EIF3H: variants seen among roughly 807,000 people sequenced by gnomAD.
EIF3H encodes eukaryotic translation initiation factor 3 subunit H.
EIF3H carries 26 observed loss-of-function variants against 44.2 expected under a neutral mutation model. The observed-to-expected ratio is 0.59, with a 90% CI of 0.43 to 0.82. The LOEUF is 0.82. EIF3H is among the 40% of genes least tolerant of loss of function. The pLI is 0.00. For synonymous variants in EIF3H, 166 were observed against 151.9 expected, an observed-to-expected ratio of 1.09 and a Z score of -0.68; for missense variants, 359 against 432.8, an observed-to-expected ratio of 0.83 and a Z score of 1.51.
chr8:116,683,561 T>TA (rs1415281985), intron 2 of EIF3H, among the ~76,000 whole-genome samples: 4 of 152,354 alleles, frequency 2.6e-5, no homozygotes, highest in South Asian at 2.1e-4. Flanking sequence ...AGAGGAATGT[T>TA]AGACATTCAG....
chr8:116,719,151 A>G (rs1024757491), intron 2 of EIF3H, among the ~76,000 whole-genome samples: 9 of 152,340 alleles, frequency 5.9e-5, no homozygotes, highest in African/African-American at 2.2e-4. Context: ...TGTCTTTGTG[A>G]GGACAACGGA....
chr8:116,666,000 C>A (rs565103938), intron 2 of EIF3H, among the ~76,000 whole-genome samples: 1 of 152,262 alleles, frequency 6.6e-6, no homozygotes, highest in South Asian at 2.1e-4. Flanking sequence ...CCTCTCGTTT[C>A]AATTAATACA....
intron 1 of EIF3H, among the ~76,000 whole-genome samples, chr8:116,739,220 G>A (rs768990816): frequency 2.0e-5 from 3 of 152,224 alleles, no homozygotes; most frequent in Admixed American, 6.5e-5. Context: ...ACATGCTCAA[G>A]TCTTAACTAG....
At chr8:116,758,833 G>C (rs549453106), upstream of EIF3H, among the ~76,000 whole-genome samples, 2 of 152,256 alleles carry the variant, frequency 1.3e-5, no homozygotes, top group South Asian at 4.1e-4. Flanking sequence ...AGATGAATAT[G>C]AAAATATAAA....
chr8:116,701,625 G>A (rs980061966), intron 2 of EIF3H, among the ~76,000 whole-genome samples: 7 of 152,232 alleles, frequency 4.6e-5, no homozygotes, highest in Non-Finnish European at 8.8e-5. Context: ...TGCAATGAAA[G>A]GGCCAATTCA....
At chr8:116,742,956 A>T (rs1203930280) in intron 1 of EIF3H, among the ~76,000 whole-genome samples, 1 of 152,254 alleles carries the variant, frequency 6.6e-6, no homozygotes, top group Non-Finnish European at 1.5e-5. Context: ...CAGTAAGTCC[A>T]CAAGGTGGTT....
At chr8:116,669,535 A>G (rs1230395014) in intron 2 of EIF3H, among the ~76,000 whole-genome samples, 1 of 152,220 alleles carries the variant, frequency 6.6e-6, no homozygotes, top group Non-Finnish European at 1.5e-5. Context: ...GAATAGCTAA[A>G]GTAGGTTAAA....
intron 1 of EIF3H, among the ~76,000 whole-genome samples, chr8:116,745,187 C>T (rs1373152326): frequency 6.6e-6 from 1 of 152,224 alleles, no homozygotes; most frequent in African/African-American, 2.4e-5. Context: ...GCTGTAACAA[C>T]TAAAGTTAAA....
intron 2 of EIF3H, among the ~76,000 whole-genome samples, chr8:116,668,487 T>G (rs1813702876): frequency 6.6e-6 from 1 of 152,202 alleles, no homozygotes; most frequent in Non-Finnish European, 1.5e-5. Context: ...ACATACATAG[T>G]GACAAAAGTT....
intron 1 of EIF3H, among the ~76,000 whole-genome samples, chr8:116,764,179 A>T (rs894088170): frequency 2.6e-5 from 4 of 152,230 alleles, no homozygotes; most frequent in Admixed American, 2.6e-4. Context: ...ACCTGAGAAA[A>T]AAGCTAAAAA....
rs543802467 is a variant in EIF3H at position 116,744,670 on chromosome 8, TTAAGA to T, written c.132+10991_132+10995del. The stretch of plus-strand genomic sequence containing the variant: ...TACAAAAAACGAAGCCATATTCTCT[TTAAGA>T]TATTATCTAAAACCTTGCCAAATAA... On this transcript the variant is annotated intron_variant, in intron 1 of 7. Transcript: ENST00000521861. 7.5e-4 allele frequency among the ~76,000 whole-genome samples: 114 copies of T among 152,342 alleles called. 2 individuals are homozygous for T. In the South Asian group the frequency reaches 0.017, roughly 23 times the overall value.
chr8:116,673,736 C>T (rs1340672955), intron 2 of EIF3H, among the ~76,000 whole-genome samples: 1 of 152,118 alleles, frequency 6.6e-6, no homozygotes, highest in Non-Finnish European at 1.5e-5. Context: ...CAGGGTCAGA[C>T]TTAAGCTCAT....
At chr8:116,667,590 CAG>C (rs979322802) in intron 2 of EIF3H, among the ~76,000 whole-genome samples, 1 of 151,918 alleles carries the variant, frequency 6.6e-6, no homozygotes, top group Admixed American at 6.6e-5. Context: ...GTTTACAAAA[CAG>C]AAAGAGATCT....
At chr8:116,686,112 A>C (rs1037339828) in intron 2 of EIF3H, among the ~76,000 whole-genome samples, 1 of 152,316 alleles carries the variant, frequency 6.6e-6, no homozygotes, top group African/African-American at 2.4e-5. Context: ...TAATCCTATT[A>C]TTAAACATAG....
In EIF3H at chr8:116,679,376, C is replaced by G. The variant is rs1221933437; in HGVS notation, c.290-20396G>C. Among the ~76,000 whole-genome samples the G allele has an allele frequency of 1.4e-4, 10 of 73,232 alleles. 2 individuals carry two copies. The South Asian group carries it at 3.2e-3, about 23-fold the overall frequency. The allele number at this position is 73,232 out of a possible 152,430, so 48.0% of individuals were successfully genotyped here. A position where few individuals can be genotyped will look rare whatever the true frequency, so the allele number is the denominator to read the frequency against. On this transcript the variant is annotated intron_variant, in intron 2 of 7. Transcript: ENST00000521861. ...TCAGCCCCCCGCCCGGTCAGCCCCC[C>G]GCCCGGCCAGCCGCCCCGTCCGGGA...
At chr8:116,650,096 A>G (rs1446720851) in intron 5 of EIF3H, among the ~76,000 whole-genome samples, 4 of 152,226 alleles carry the variant, frequency 2.6e-5, no homozygotes, top group Non-Finnish European at 4.4e-5. Context: ...ATGAGACCTC[A>G]CAACTGCAAT....
chr8:116,720,207 A>G (rs1814721662), intron 2 of EIF3H, among the ~76,000 whole-genome samples: 1 of 152,226 alleles, frequency 6.6e-6, no homozygotes, highest in Non-Finnish European at 1.5e-5. Context: ...CTGTTAAAAT[A>G]TATTTTAATA....
At chr8:116,708,003 CCTA>C (rs1403224046) in intron 2 of EIF3H, among the ~76,000 whole-genome samples, 2 of 152,028 alleles carry the variant, frequency 1.3e-5, no homozygotes, top group Admixed American at 6.6e-5. Flanking sequence ...TAAGTACAGT[CCTA>C]CTCTCAAAAA....
chr8:116,720,596 T>C (rs1814727177), intron 2 of EIF3H, among the ~76,000 whole-genome samples: 1 of 152,156 alleles, frequency 6.6e-6, no homozygotes, highest in Non-Finnish European at 1.5e-5. Context: ...ACTTTGGAAG[T>C]GGATAACAGG....
Sources: allele counts gnomAD v4.1 joint callset (sites outside exome capture counted in the v4.1 genomes callset), GRCh38; gene constraint gnomAD v4.1.1; transcripts MANE v1.5; gene names NCBI Gene and HGNC (gene_info 2026-07-23, HGNC 2026-07-21).